Variants in USP2 observed in about 807,000 individuals in gnomAD.
The protein encoded by USP2 is ubiquitin carboxyl-terminal hydrolase 2.
In USP2, 33 loss-of-function variants were observed where a neutral mutation model predicts 72.0. The ratio of observed to expected loss-of-function variants is 0.46; its 90% CI spans 0.35 to 0.61. The LOEUF is 0.61. USP2 is among the 20% of genes least tolerant of loss of function. The probability of loss-of-function intolerance (pLI) is 0.01; values close to 1 mark genes in which losing one functional copy is unlikely to be tolerated. For missense variants in USP2, 691 were observed against 797.8 expected (o/e 0.87, Z 1.61); for synonymous variants, 296 against 312.5 (o/e 0.95, Z 0.56).
At chr11:119,370,972 G>A (rs1447021513) in intron 2 of USP2, among the ~76,000 whole-genome samples, 3 of 152,152 alleles carry the variant, frequency 2.0e-5, no homozygotes, top group African/African-American at 7.2e-5. Flanking sequence ...CTGATCCCCA[G>A]TAAAGGGGAA....
chr11:119,366,191 G>A (rs1020742596), intron 2 of USP2, among the ~76,000 whole-genome samples: 18 of 152,186 alleles, frequency 1.2e-4, no homozygotes, highest in African/African-American at 3.9e-4. Flanking sequence ...CACCACGCCC[G>A]GCCTATTACC....
In USP2 at chr11:119,358,079, G is replaced by T; in HGVS notation, c.1342-18C>A. The stretch of plus-strand genomic sequence containing the variant: ...TAACCTCGCTGGGAAGGGGAAAAAA[G>T]CAAAGGTCAGAGGTCAACATGAAAG... On this transcript the variant is annotated intron_variant, in intron 8 of 12. Coordinates refer to ENST00000260187, the MANE Select transcript of USP2 (RefSeq NM_004205.5). 9 of 1,614,182 alleles carry T rather than the reference G, an allele frequency of 5.6e-6. No individual in the cohort carries two copies. Among genetic ancestry groups the T allele is most frequent in the Non-Finnish European group, 7.6e-6 (9 of 1,180,030 alleles).
Position 119,356,483 on chromosome 11 carries a change from T to C in USP2, c.*352A>G. The C allele has an allele frequency of 9.5e-6, 2 of 211,094 alleles. No individual in the cohort carries two copies. Among genetic ancestry groups the C allele is most frequent in the South Asian group, 2.1e-4 (2 of 9,382 alleles). 13.1% of individuals were successfully genotyped at this position (211,094 alleles called of 1,614,324 possible). A position where few individuals can be genotyped will look rare whatever the true frequency, so the allele number is the denominator to read the frequency against. On this transcript the variant is annotated 3_prime_UTR_variant, in exon 13 of 13. Coordinates refer to ENST00000260187, the MANE Select transcript of USP2 (RefSeq NM_004205.5). The stretch of plus-strand genomic sequence containing the variant: ...GCGAGCTCCAGAGGGCGCTGTCCCC[T>C]CGGAGGCGCGGGCGCTGCGGCGGGA...
At chr11:119,367,079 C>T (rs1017677708) in intron 2 of USP2, among the ~76,000 whole-genome samples, 38 of 152,326 alleles carry the variant, frequency 2.5e-4, no homozygotes, top group African/African-American at 8.9e-4. Flanking sequence ...AGCCAGGTCT[C>T]TGTGAGACCC....
chr11:119,381,488 G>A lies in USP2; in HGVS notation c.-57C>T, dbSNP rs1043050840. 1.3e-6 allele frequency: 2 copies of A among 1,536,054 alleles called. No homozygotes were observed. ...TGGCACGTACCTGCCTCTTCTTGGA[G>A]TATGGACGAGTCGAACCGGGCACAA... On this transcript the variant is annotated 5_prime_UTR_variant, in exon 1 of 13. Coordinates refer to ENST00000260187, the MANE Select transcript of USP2 (RefSeq NM_004205.5).
intron 1 of USP2, among the ~76,000 whole-genome samples, chr11:119,374,212 G>A (rs1184447500): frequency 6.6e-6 from 1 of 152,212 alleles, no homozygotes; most frequent in Non-Finnish European, 1.5e-5. Flanking sequence ...TCACTTCACT[G>A]AGCTAAGCTT....
Position 119,378,245 on chromosome 11 carries a change from A to G in USP2, c.-42+3228T>C, listed in dbSNP as rs1262937167. Among the ~76,000 whole-genome samples the G allele has an allele frequency of 8.9e-5, 13 of 145,482 alleles. 1 individual carries two copies. The highest frequency in any genetic ancestry group is 8.3e-4 in the Admixed American group (12 of 14,404). ...AGCTGCTTGGGTCACCTGCTGCACT[A>G]TCTGGGCACAAGTGTCTGGTCCTGG... On this transcript the variant is annotated intron_variant, in intron 1 of 12. Coordinates refer to ENST00000260187, the MANE Select transcript of USP2 (RefSeq NM_004205.5).
chr11:119,364,152 C>A (rs1950813848), intron 2 of USP2: 2 of 1,211,172 alleles, frequency 1.7e-6, no homozygotes, highest in East Asian at 6.6e-5. Flanking sequence ...TCCGCCTCAA[C>A]CTCCCCGGCG....
chr11:119,366,880 C>T (rs1950860345), intron 2 of USP2, among the ~76,000 whole-genome samples: 1 of 152,228 alleles, frequency 6.6e-6, no homozygotes, highest in African/African-American at 2.4e-5. Context: ...TGCTCTCCCT[C>T]TTCCCTGGGA....
At chr11:119,364,067 C>A in intron 2 of USP2, 1 of 1,276,640 alleles carries the variant, frequency 7.8e-7, no homozygotes, top group Non-Finnish European at 9.9e-7. Context: ...AGTCCCCGCG[C>A]GGTGCCACAG....
In USP2 at chr11:119,356,330, T is replaced by C. The variant is rs1456008840; in HGVS notation, c.*505A>G. Reference sequence around the variant, plus strand: ...ACCAGCGTTTTCCAAAGATGTCCCTTCGTCTGTCCCCTGGAGTTAGCAGCG... The same window carrying C: ...ACCAGCGTTTTCCAAAGATGTCCCTCCGTCTGTCCCCTGGAGTTAGCAGCG... On this transcript the variant is annotated 3_prime_UTR_variant, in exon 13 of 13. Transcript: ENST00000260187. 6.5e-6 allele frequency: 1 copy of C among 153,716 alleles called. No homozygotes were observed. The highest frequency in any genetic ancestry group is 2.4e-5 in the African/African-American group (1 of 41,464). The allele number at this position is 153,716 out of a possible 1,614,324, so 9.5% of individuals were successfully genotyped here. A position where few individuals can be genotyped will look rare whatever the true frequency, so the allele number is the denominator to read the frequency against.
At chr11:119,365,323 G>C (rs1046403340) in intron 2 of USP2, among the ~76,000 whole-genome samples, 1 of 152,108 alleles carries the variant, frequency 6.6e-6, no homozygotes, top group African/African-American at 2.4e-5. Flanking sequence ...CACCGACAAA[G>C]CAGCAATTTC....
chr11:119,371,864 C>A (rs146329875), intron 2 of USP2, among the ~76,000 whole-genome samples: 3 of 152,322 alleles, frequency 2.0e-5, no homozygotes, highest in African/African-American at 7.2e-5. Flanking sequence ...AGCAGGTCAG[C>A]CCCCATTGTG....
Position 119,373,290 on chromosome 11 carries a change from C to A in USP2, c.191G>T (p.Arg64Leu), listed in dbSNP as rs141614167. The change falls in exon 2 of 13, where the codon CGT (arginine) becomes CTT (leucine). Residue 64 changes from arginine (R) to leucine (L), a missense_variant. By Grantham distance (102) the Arg-to-Leu change is moderately radical. Coordinates refer to ENST00000260187, the MANE Select transcript of USP2 (RefSeq NM_004205.5). ...VPTSSFLTRPRTYGPSSLLDY... is the reference protein window; with the variant it reads ...VPTSSFLTRPLTYGPSSLLDY... Reference sequence around the variant, plus strand: ...CAGGAGGGAGGAGGGGCCATAGGTACGGGGACGGGTGAGGAAGCTGCTGGT... The same window carrying A: ...CAGGAGGGAGGAGGGGCCATAGGTAAGGGGACGGGTGAGGAAGCTGCTGGT... The A allele has an allele frequency of 3.7e-6, 6 of 1,613,780 alleles. No homozygotes were observed. Among genetic ancestry groups the A allele is most frequent in the Non-Finnish European group, 4.2e-6 (5 of 1,179,860 alleles).
rs1950725945 is a variant in USP2 at position 119,359,349 on chromosome 11, G to A, written c.950-7C>T. 6.2e-7 allele frequency: 1 copy of A among 1,610,542 alleles called. No homozygotes were observed. The highest frequency in any genetic ancestry group is 8.5e-7 in the Non-Finnish European group (1 of 1,177,494). On this transcript the variant is annotated splice_polypyrimidine_tract_variant and splice_region_variant and intron_variant, in intron 4 of 12. Transcript: ENST00000260187. ...TGAATTAGTTTTGCAAACTCTATTG[G>A]AAGGAGAGAGTGTACAGGACAGCTG...
At position 119,356,805 on chromosome 11, in the gene USP2, G is replaced by A. The variant is rs1217357637; in HGVS notation, c.*30C>T. On this transcript the variant is annotated 3_prime_UTR_variant, in exon 13 of 13. Coordinates refer to ENST00000260187, the MANE Select transcript of USP2 (RefSeq NM_004205.5). ...AAATTTAGGGAGCGGGGCCACCACG[G>A]GGAAGGGAGAAGGGACGTGGCTCCT... 1.2e-5 allele frequency: 18 copies of A among 1,535,296 alleles called. No homozygotes were observed.
At chr11:119,363,731 G>T (rs1178324783) in intron 2 of USP2, 10 of 707,398 alleles carry the variant, frequency 1.4e-5, no homozygotes, top group Non-Finnish European at 1.8e-5. Flanking sequence ...TGGGAAAGGA[G>T]GGGTGGGGGC....
At chr11:119,379,919 T>TTTG (rs1951040914) in intron 1 of USP2, among the ~76,000 whole-genome samples, 1 of 135,228 alleles carries the variant, frequency 7.4e-6, no homozygotes, top group Non-Finnish European at 1.6e-5. Flanking sequence ...TCCTTTCTCT[T>TTTG]TTTTTTTTTT....
intron 1 of USP2, among the ~76,000 whole-genome samples, chr11:119,378,024 C>G (rs942839091): frequency 1.3e-5 from 2 of 152,124 alleles, no homozygotes; most frequent in Non-Finnish European, 2.9e-5. Context: ...AGTCTCTTCC[C>G]TCCTACTCAG....
Sources: gnomAD v4.1 joint callset for allele counts (sites outside exome capture counted in the v4.1 genomes callset) on GRCh38, gnomAD v4.1.1 for gene constraint, MANE v1.5 for transcripts, NCBI Gene and HGNC (gene_info 2026-07-23, HGNC 2026-07-21) for gene names.